Variants in LHX8 observed in about 807,000 individuals in gnomAD.
The protein encoded by LHX8 is LIM homeobox 8.
In LHX8, 12 loss-of-function variants were observed where a neutral mutation model predicts 40.3. The observed-to-expected ratio is 0.30, with a 90% CI of 0.19 to 0.48. LHX8 has a LOEUF of 0.48. Among genes scored for constraint, LHX8 ranks in the 20% least tolerant of loss-of-function variants. The pLI is 0.99. For synonymous variants in LHX8, 179 were observed against 162.0 expected (o/e 1.10, Z -0.80); for missense variants, 344 against 433.7 (o/e 0.79, Z 1.84).
intron 5 of LHX8, among the ~76,000 whole-genome samples, chr1:75,143,625 G>A (rs1222799040): frequency 6.6e-6 from 1 of 152,082 alleles, no homozygotes; most frequent in Non-Finnish European, 1.5e-5. Context: ...CCTTAGATGT[G>A]TACTTCTAAC....
chr1:75,146,303 A>T (rs929802556), intron 6 of LHX8, among the ~76,000 whole-genome samples: 1 of 152,190 alleles, frequency 6.6e-6, no homozygotes, highest in African/African-American at 2.4e-5. Flanking sequence ...AAATTTTCCA[A>T]AATTATTCTA....
intron 7 of LHX8, among the ~76,000 whole-genome samples, chr1:75,153,207 G>C (rs1228915792): frequency 6.6e-6 from 1 of 152,078 alleles, no homozygotes; most frequent in East Asian, 1.9e-4. Flanking sequence ...CCGGACTCAA[G>C]CGATTCTCCT....
chr1:75,192,900 G>A, the LHX8 span, among the ~76,000 whole-genome samples: 1 of 152,186 alleles, frequency 6.6e-6, no homozygotes, highest in South Asian at 2.1e-4. Flanking sequence ...TGCCATGTTG[G>A]CCAGGCTGGC....
chr1:75,139,494 C>T (rs1240326968), intron 3 of LHX8, among the ~76,000 whole-genome samples: 2 of 151,960 alleles, frequency 1.3e-5, no homozygotes, highest in South Asian at 2.1e-4. Flanking sequence ...TACAGAAGGC[C>T]CTAAACAGTG....
In LHX8 at chr1:75,161,252, G is replaced by GT. The variant is rs916214603; in HGVS notation, c.*360dup. Reference sequence around the variant, plus strand: ...GTTTACAATCTTTTGTGAAATTGTAGTTTATCATTAGTTTGTATCTGTAAG... The same window carrying GT: ...GTTTACAATCTTTTGTGAAATTGTAGTTTTATCATTAGTTTGTATCTGTAAG... On this transcript the variant is annotated 3_prime_UTR_variant, in exon 9 of 9. Transcript: ENST00000356261. 2 of 223,850 alleles carry GT rather than the reference G, an allele frequency of 8.9e-6. No homozygotes were observed. Among genetic ancestry groups the GT allele is most frequent in the African/African-American group, 4.7e-5 (2 of 42,878 alleles). 13.9% of individuals were successfully genotyped at this position (223,850 alleles called of 1,614,324 possible).
At chr1:75,143,982 C>G in intron 6 of LHX8, 34 bp downstream of exon 6, 4 of 1,553,396 alleles carry the variant, frequency 2.6e-6, no homozygotes, top group Non-Finnish European at 2.7e-6. Context: ...ATTTTTGAAG[C>G]CCCTCCCAAC....
the LHX8 span, among the ~76,000 whole-genome samples, chr1:75,173,910 G>A: frequency 1.3e-5 from 2 of 151,968 alleles, no homozygotes; most frequent in African/African-American, 4.8e-5. Context: ...TCTCAAATCT[G>A]AAAATTCAAA....
intron 3 of LHX8, among the ~76,000 whole-genome samples, chr1:75,139,107 A>G (rs1648234930): frequency 6.6e-6 from 1 of 152,168 alleles, no homozygotes; most frequent in Admixed American, 6.5e-5. Flanking sequence ...ACTAATATAG[A>G]AAAACACTAT....
the LHX8 span, among the ~76,000 whole-genome samples, chr1:75,194,375 G>T: frequency 6.6e-6 from 1 of 152,142 alleles, no homozygotes; most frequent in Non-Finnish European, 1.5e-5. Context: ...CCTGCTTGAG[G>T]CAGGGTCCTG....
chr1:75,136,517 C>G, intron 1 of LHX8, 86 bp from the exon 2 acceptor site: 2 of 1,028,410 alleles, frequency 1.9e-6, no homozygotes, highest in South Asian at 2.7e-5. Flanking sequence ...TTCATTAGCT[C>G]GCTCCCCGCG....
At chr1:75,135,753 C>G (rs575645975) in intron 1 of LHX8, among the ~76,000 whole-genome samples, 8 of 152,196 alleles carry the variant, frequency 5.3e-5, no homozygotes, top group Non-Finnish European at 1.0e-4. Flanking sequence ...AACATTTTGT[C>G]AGAGGTTGGG....
At chr1:75,132,552 G>A (rs941256541), upstream of LHX8, 7 of 152,074 alleles carry the variant, frequency 4.6e-5, no homozygotes, top group African/African-American at 1.7e-4. Context: ...AGAGATAGAC[G>A]CTCTTAGATC....
At chr1:75,157,979 T>C (rs1648815432) in intron 8 of LHX8, among the ~76,000 whole-genome samples, 1 of 152,238 alleles carries the variant, frequency 6.6e-6, no homozygotes, top group African/African-American at 2.4e-5. Context: ...TCAGTCATTC[T>C]GACAGATAGT....
chr1:75,135,807 C>A (rs1182322750), intron 1 of LHX8, among the ~76,000 whole-genome samples: 1 of 152,192 alleles, frequency 6.6e-6, no homozygotes, highest in Non-Finnish European at 1.5e-5. Context: ...TGGATATTTT[C>A]CATTATTCTA....
chr1:75,146,081 A>T (rs1160058057), intron 6 of LHX8, among the ~76,000 whole-genome samples: 17 of 152,142 alleles, frequency 1.1e-4, no homozygotes, highest in Admixed American at 1.1e-3. Context: ...GATATTTTAA[A>T]AAACTGAATC....
intron 7 of LHX8, among the ~76,000 whole-genome samples, chr1:75,153,880 T>C (rs1173494470): frequency 1.3e-5 from 2 of 152,226 alleles, no homozygotes; most frequent in Admixed American, 6.5e-5. Context: ...TGATAAACTA[T>C]CAGTTTTCCC....
chr1:75,181,118 C>T, the LHX8 span, among the ~76,000 whole-genome samples: 1 of 152,172 alleles, frequency 6.6e-6, no homozygotes, highest in African/African-American at 2.4e-5. Flanking sequence ...TATGAGGTGT[C>T]AATCAGCCCC....
At chr1:75,180,922 G>T in the LHX8 span, among the ~76,000 whole-genome samples, 105 of 152,280 alleles carry the variant, frequency 6.9e-4, no homozygotes, top group African/African-American at 2.5e-3. Context: ...CTTTCTGTTT[G>T]CTAGTTTTCC....
At chr1:75,163,913 G>A (rs541247168), downstream of LHX8, among the ~76,000 whole-genome samples, 5 of 152,148 alleles carry the variant, frequency 3.3e-5, no homozygotes, top group African/African-American at 7.2e-5. Flanking sequence ...TTGGCCTTCA[G>A]CCATGTGAAG....
Sources: gnomAD v4.1 joint callset for allele counts (sites outside exome capture counted in the v4.1 genomes callset) on GRCh38, gnomAD v4.1.1 for gene constraint, MANE v1.5 for transcripts, NCBI Gene and HGNC (gene_info 2026-07-23, HGNC 2026-07-21) for gene names.